MYO5B: variants seen among roughly 807,000 people sequenced by gnomAD.
MYO5B encodes the protein myosin VB.
Under a neutral mutation model 229.3 loss-of-function variants are expected in MYO5B, and 143 were observed. The observed-to-expected ratio is 0.62, with a 90% confidence interval of 0.54 to 0.72. MYO5B has a LOEUF of 0.72. Ranked by LOEUF, MYO5B falls within the 30% of genes least tolerant of loss-of-function variation. MYO5B has a pLI of 0.00. For missense variants in MYO5B, 2,321 were observed against 2,331.0 expected, an observed-to-expected ratio of 1.00 and a Z score of 0.09; for synonymous variants, 918 against 885.2, an observed-to-expected ratio of 1.04 and a Z score of -0.66.
chr18:50,056,684 C>A (rs777582491), intron 1 of MYO5B, among the ~76,000 whole-genome samples: 4 of 151,802 alleles, frequency 2.6e-5, no homozygotes, highest in Non-Finnish European at 4.4e-5. Flanking sequence ...TGTGCACATG[C>A]GGCCAGCTGG....
chr18:49,992,437 C>G lies in MYO5B; in HGVS notation c.613-6G>C. 1 of 1,613,988 alleles carries G rather than the reference C, an allele frequency of 6.2e-7. No homozygotes were observed. The highest frequency in any genetic ancestry group is 2.2e-5 in the East Asian group (1 of 44,864). On this transcript the variant is annotated splice_polypyrimidine_tract_variant and splice_region_variant and intron_variant, in intron 5 of 39. Coordinates refer to ENST00000285039, the MANE Select transcript of MYO5B (RefSeq NM_001080467.3). ...GTCTTGGCATTTCCAATGGCCTGCA[C>G]AGACCAGACAGACAAAGGTATGAAA...
intron 1 of MYO5B, among the ~76,000 whole-genome samples, chr18:50,118,770 G>A (rs947949972): frequency 4.0e-5 from 6 of 151,656 alleles, no homozygotes; most frequent in African/African-American, 1.2e-4. Flanking sequence ...GACTACAGGC[G>A]CCCGCCACTA....
intron 4 of MYO5B, among the ~76,000 whole-genome samples, chr18:50,024,114 G>A (rs2026306176): frequency 6.6e-6 from 1 of 152,144 alleles, no homozygotes; most frequent in Admixed American, 6.5e-5. Context: ...AATTATGATG[G>A]ATTAATATGT....
intron 5 of MYO5B, among the ~76,000 whole-genome samples, chr18:49,996,602 C>T (rs1023528793): frequency 4.6e-5 from 7 of 152,076 alleles, no homozygotes; most frequent in African/African-American, 1.7e-4. Context: ...TCGATGCATA[C>T]AGAAATACAC....
intron 1 of MYO5B, among the ~76,000 whole-genome samples, chr18:50,090,018 T>C (rs1239196394): frequency 6.6e-6 from 1 of 152,188 alleles, no homozygotes; most frequent in Non-Finnish European, 1.5e-5. Context: ...CCTCTCTCTA[T>C]ATATCTGGCT....
chr18:49,849,946 G>A, intron 31 of MYO5B: 1 of 447,574 alleles, frequency 2.2e-6, no homozygotes, highest in Non-Finnish European at 4.1e-6. Context: ...CCCAAGCCAA[G>A]CCTCCTCCGG....
chr18:49,882,343 C>A (rs574643758), intron 22 of MYO5B, among the ~76,000 whole-genome samples: 2 of 54,796 alleles, frequency 3.6e-5, no homozygotes, highest in East Asian at 3.2e-3. Flanking sequence ...AATGGAAACC[C>A]GGCCAGGTAC....
At chr18:50,113,529 T>C (rs533440056) in intron 1 of MYO5B, among the ~76,000 whole-genome samples, 7 of 152,360 alleles carry the variant, frequency 4.6e-5, no homozygotes, top group Admixed American at 2.0e-4. Context: ...GTTAGGAAGC[T>C]GCTATCTCCT....
chr18:49,918,434 C>A (rs2025039805), intron 17 of MYO5B, among the ~76,000 whole-genome samples: 1 of 152,210 alleles, frequency 6.6e-6, no homozygotes, highest in Admixed American at 6.5e-5. Flanking sequence ...GATGGGTAAC[C>A]TAAGGTTCCC....
intron 3 of MYO5B, among the ~76,000 whole-genome samples, chr18:50,037,827 G>C (rs2029889942): frequency 6.6e-6 from 1 of 152,162 alleles, no homozygotes; most frequent in Non-Finnish European, 1.5e-5. Context: ...AAGAGTTCAA[G>C]GCTGCAGTGA....
At position 50,040,215 on chromosome 18, in the gene MYO5B, G is replaced by A. The variant is rs1218772348; in HGVS notation, c.238C>T (p.Leu80Phe). 1.2e-6 allele frequency: 2 copies of A among 1,614,008 alleles called. No individual in the cohort carries two copies. The highest frequency in any genetic ancestry group is 2.7e-5 in the African/African-American group (2 of 74,896). Residue 80 changes from leucine to phenylalanine, a missense_variant, in exon 3 of 40, where the codon CTT (leucine) becomes TTT (phenylalanine). By Grantham distance (22) the Leu-to-Phe change is conservative. Transcript: ENST00000285039. ...TTATGCAAAACTGCAGGCTCATGAA[G>A]ATAGCTAAGGGCAGTCAGGTCATTT... ...GENDLTALSY[L>F]HEPAVLHNLK...
At chr18:50,073,693 A>G (rs2031012477) in intron 1 of MYO5B, among the ~76,000 whole-genome samples, 1 of 152,098 alleles carries the variant, frequency 6.6e-6, no homozygotes, top group South Asian at 2.1e-4. Context: ...TGTAATATGT[A>G]GATTGAAAGT....
intron 10 of MYO5B, chr18:49,970,025 C>T (rs199787796): frequency 6.6e-6 from 1 of 152,130 alleles, no homozygotes; most frequent in East Asian, 1.9e-4. Context: ...AAATTGAAGC[C>T]GTTTATTTCT....
At chr18:49,990,629 C>CTTCCCAGTGTT (rs1268660662) in intron 6 of MYO5B, 109 bp from the exon 7 acceptor site, 27 of 867,936 alleles carry the variant, frequency 3.1e-5, no homozygotes, top group South Asian at 3.1e-4. Flanking sequence ...GCCCCCCACT[C>CTTCCCAGTGTT]TTCCCAGTGT....
chr18:49,894,198 T>C (rs895768951), intron 22 of MYO5B, among the ~76,000 whole-genome samples: 4 of 150,446 alleles, frequency 2.7e-5, no homozygotes, highest in Non-Finnish European at 4.4e-5. Context: ...TAGATCCCCA[T>C]CCACTGCAAC....
chr18:50,081,908 A>G (rs2031229827), intron 1 of MYO5B, among the ~76,000 whole-genome samples: 1 of 152,220 alleles, frequency 6.6e-6, no homozygotes, highest in South Asian at 2.1e-4. Flanking sequence ...CATATTCCAC[A>G]CTTCCCAAAT....
At chr18:50,193,341 C>T (rs1448774737) in intron 1 of MYO5B, among the ~76,000 whole-genome samples, 3 of 152,222 alleles carry the variant, frequency 2.0e-5, no homozygotes, top group Non-Finnish European at 4.4e-5. Context: ...CTGGTGGGCT[C>T]GGAAGCTGTA....
intron 1 of MYO5B, among the ~76,000 whole-genome samples, chr18:50,160,016 C>T (rs976432721): frequency 2.6e-5 from 4 of 152,226 alleles, no homozygotes; most frequent in Non-Finnish European, 5.9e-5. Flanking sequence ...ACAGTACTCA[C>T]GCAGACGTGA....
rs545392757 is a variant in MYO5B at position 49,926,703 on chromosome 18, T to C, written c.2090+2809A>G. Among the ~76,000 whole-genome samples, 15 of 152,362 alleles carry C rather than the reference T, an allele frequency of 9.8e-5. No homozygotes were observed. The South Asian group carries it at 2.3e-3, about 23-fold the overall frequency. On this transcript the variant is annotated intron_variant, in intron 17 of 39. Transcript: ENST00000285039. ...ATCCGCAAGGCAAATCAGAGCATGATAGTTATTTTTTAACTCAAAGAAACT... is the reference window on the plus strand; with the variant it reads ...ATCCGCAAGGCAAATCAGAGCATGACAGTTATTTTTTAACTCAAAGAAACT...
Sources: gnomAD v4.1 joint callset for allele counts (sites outside exome capture counted in the v4.1 genomes callset) on GRCh38, gnomAD v4.1.1 for gene constraint, MANE v1.5 for transcripts, NCBI Gene and HGNC (gene_info 2026-07-23, HGNC 2026-07-21) for gene names.